Variants in DLG2 observed in about 807,000 individuals in gnomAD.
DLG2 encodes disks large homolog 2.
Under a neutral mutation model 132.5 loss-of-function variants are expected in DLG2, and 45 were observed. That is an observed-to-expected ratio of 0.34 (90% CI 0.27 to 0.44). DLG2 has a LOEUF of 0.44. Among genes scored for constraint, DLG2 ranks in the 20% least tolerant of loss-of-function variants. The pLI is 1.00. For missense variants in DLG2, 1,045 were observed against 1,196.9 expected (o/e 0.87, Z 1.87); for synonymous variants, 424 against 419.6 (o/e 1.01, Z -0.13).
intron 4 of DLG2, among the ~76,000 whole-genome samples, chr11:85,251,372 A>G (rs1408888530): frequency 6.6e-6 from 1 of 152,206 alleles, no homozygotes; most frequent in Non-Finnish European, 1.5e-5. Flanking sequence ...TATATCCCAT[A>G]TATTTTTCTT....
At chr11:83,676,920 T>A (rs564707188) in intron 18 of DLG2, among the ~76,000 whole-genome samples, 3 of 152,254 alleles carry the variant, frequency 2.0e-5, no homozygotes, top group Non-Finnish European at 4.4e-5. Flanking sequence ...TGGCACGTGG[T>A]CCATGCTTAA....
At chr11:84,264,489 G>A (rs985183973) in intron 7 of DLG2, among the ~76,000 whole-genome samples, 2 of 152,160 alleles carry the variant, frequency 1.3e-5, no homozygotes, top group Non-Finnish European at 2.9e-5. Flanking sequence ...TGTTGCTGTG[G>A]GCTAGAGGAG....
chr11:83,539,702 G>A (rs964362956), intron 20 of DLG2, among the ~76,000 whole-genome samples: 1 of 151,152 alleles, frequency 6.6e-6, no homozygotes, highest in Non-Finnish European at 1.5e-5. Context: ...TTCATAAAAA[G>A]TAGAATGTAA....
intron 3 of DLG2, among the ~76,000 whole-genome samples, chr11:85,495,923 T>A (rs1001660416): frequency 6.6e-6 from 1 of 152,168 alleles, no homozygotes; most frequent in Admixed American, 6.6e-5. Flanking sequence ...ATGTGGCACA[T>A]GATTGGCTTC....
rs770602681 is a variant in DLG2, at chr11:84,358,363, A to ATTT, written c.520-107075_520-107073dup. On this transcript the variant is annotated intron_variant, in intron 7 of 27. Coordinates refer to ENST00000376104, the MANE Select transcript of DLG2 (RefSeq NM_001142699.3). Reference sequence around the variant, plus strand: ...TCTTCATCAAACAGCAAGTCCCAGTATTTTTTTTTTTTTTTTTTTTTAGAG... The same window carrying ATTT: ...TCTTCATCAAACAGCAAGTCCCAGTATTTTTTTTTTTTTTTTTTTTTTTTAGAG... Among the ~76,000 whole-genome samples, 54 of 121,468 alleles carry ATTT rather than the reference A, an allele frequency of 4.4e-4. 1 individual carries two copies. The highest frequency in any genetic ancestry group is 1.5e-3 in the African/African-American group (51 of 33,118). The allele number at this position is 121,468 out of a possible 152,430, so 79.7% of individuals were successfully genotyped here.
chr11:83,838,208 A>G (rs1301989283), intron 16 of DLG2, among the ~76,000 whole-genome samples: 1 of 152,250 alleles, frequency 6.6e-6, no homozygotes, highest in African/African-American at 2.4e-5. Context: ...AGCAAAATAG[A>G]TTGATGATTG....
intron 7 of DLG2, among the ~76,000 whole-genome samples, chr11:84,498,516 CA>C (rs1472789580): frequency 6.6e-6 from 1 of 152,088 alleles, no homozygotes; most frequent in East Asian, 1.9e-4. Flanking sequence ...CAAATATCAT[CA>C]ATTATAATCA....
chr11:85,035,489 G>C (rs1403565407), intron 6 of DLG2, among the ~76,000 whole-genome samples: 1 of 152,038 alleles, frequency 6.6e-6, no homozygotes, highest in Non-Finnish European at 1.5e-5. Context: ...CGAGAGGTGA[G>C]AGAGAAGGAA....
intron 6 of DLG2, among the ~76,000 whole-genome samples, chr11:84,888,214 T>G (rs1286816266): frequency 6.6e-6 from 1 of 152,152 alleles, no homozygotes; most frequent in Non-Finnish European, 1.5e-5. Context: ...TGAGGGTGTT[T>G]CGGAGTAAAT....
chr11:84,221,465 A>G (rs575399687), intron 8 of DLG2, among the ~76,000 whole-genome samples: 3 of 151,458 alleles, frequency 2.0e-5, no homozygotes, highest in East Asian at 3.9e-4. Context: ...TTCCATCTCA[A>G]ATAATAATAA....
intron 11 of DLG2, among the ~76,000 whole-genome samples, chr11:83,997,996 A>T (rs10898188): frequency 6.6e-6 from 1 of 151,452 alleles, no homozygotes; most frequent in Non-Finnish European, 1.5e-5. Flanking sequence ...TTAGCTGGGC[A>T]TGGTGGTGTG....
intron 3 of DLG2, among the ~76,000 whole-genome samples, chr11:85,499,042 G>C (rs1240496890): frequency 1.3e-5 from 2 of 151,704 alleles, no homozygotes; most frequent in Non-Finnish European, 2.9e-5. Flanking sequence ...AAAAGAACTA[G>C]AGAAGCAAGA....
At chr11:85,363,969 TAAAAC>T (rs1450194148) in intron 3 of DLG2, among the ~76,000 whole-genome samples, 1 of 152,158 alleles carries the variant, frequency 6.6e-6, no homozygotes, top group African/African-American at 2.4e-5. Flanking sequence ...TTTCCAGTCT[TAAAAC>T]AAAAGTCATG....
chr11:85,612,359 GGAT>G (rs2081069079), intron 2 of DLG2, among the ~76,000 whole-genome samples: 1 of 152,216 alleles, frequency 6.6e-6, no homozygotes, highest in Non-Finnish European at 1.5e-5. Context: ...CTTCAGGACA[GGAT>G]GATAGATGGT....
At chr11:83,987,963 T>C (rs1217604130) in intron 11 of DLG2, among the ~76,000 whole-genome samples, 1 of 152,076 alleles carries the variant, frequency 6.6e-6, no homozygotes, top group Non-Finnish European at 1.5e-5. Context: ...ATGTTCTTTG[T>C]GCACTTTTTA....
intron 7 of DLG2, among the ~76,000 whole-genome samples, chr11:84,265,384 A>G (rs901390475): frequency 8.5e-5 from 13 of 152,140 alleles, no homozygotes; most frequent in African/African-American, 3.1e-4. Context: ...TTTACATTGG[A>G]TGAAACTTAG....
chr11:83,677,482 A>T (rs1302756882), intron 18 of DLG2, among the ~76,000 whole-genome samples: 1 of 152,136 alleles, frequency 6.6e-6, no homozygotes, highest in Non-Finnish European at 1.5e-5. Flanking sequence ...ACATCTTCCC[A>T]ACTTCCTGAG....
At chr11:84,294,667 A>G (rs2098063547) in intron 7 of DLG2, among the ~76,000 whole-genome samples, 1 of 152,168 alleles carries the variant, frequency 6.6e-6, no homozygotes. Context: ...TAGGAATATA[A>G]CGCCATATTT....
chr11:84,319,831 A>G (rs956345424), intron 7 of DLG2, among the ~76,000 whole-genome samples: 6 of 152,198 alleles, frequency 3.9e-5, no homozygotes, highest in African/African-American at 1.2e-4. Flanking sequence ...ACTTTTATTA[A>G]GCTTACTAAA....
Sources: gnomAD v4.1 joint callset for allele counts (sites outside exome capture counted in the v4.1 genomes callset) on GRCh38, gnomAD v4.1.1 for gene constraint, MANE v1.5 for transcripts, NCBI Gene and HGNC (gene_info 2026-07-23, HGNC 2026-07-21) for gene names.